FHIT: variants seen among roughly 807,000 people sequenced by gnomAD.
FHIT encodes bis(5'-adenosyl)-triphosphatase.
In FHIT, 19 loss-of-function variants were observed where a neutral mutation model predicts 17.9. The observed-to-expected ratio is 1.06, with a 90% CI of 0.74 to 1.56. The LOEUF (loss-of-function observed/expected upper bound fraction) is 1.56. Ranked by LOEUF, FHIT falls within the 40% of genes most tolerant of loss-of-function variation. The probability of loss-of-function intolerance (pLI) is 0.00; values close to 1 mark genes in which losing one functional copy is unlikely to be tolerated. For missense variants in FHIT, 248 were observed against 189.2 expected (o/e 1.31, Z -1.82); for synonymous variants, 81 against 69.7 (o/e 1.16, Z -0.81).
At position 61,183,840 on chromosome 3, in the gene FHIT, G is replaced by A. The variant is rs186717726; in HGVS notation, c.-164+16777C>T. ...GTTTTTCACGTTTACAAAGAAAATG[G>A]AGCAGGTTAGCAGGTCTCGGTGGCA... On this transcript the variant is annotated intron_variant, in intron 2 of 9. Coordinates refer to ENST00000492590, the MANE Select transcript of FHIT (RefSeq NM_002012.4). 7.7e-4 allele frequency among the ~76,000 whole-genome samples: 117 copies of A among 151,798 alleles called. 1 individual carries two copies. Among genetic ancestry groups the A allele is most frequent in the Non-Finnish European group, 6.2e-4 (42 of 67,930 alleles).
chr3:60,617,064 G>A (rs1056245423), intron 4 of FHIT: 11 of 215,714 alleles, frequency 5.1e-5, no homozygotes, highest in Middle Eastern at 5.0e-4. Context: ...GCAAAGAAAC[G>A]ACAGCCTGGA....
intron 3 of FHIT, among the ~76,000 whole-genome samples, chr3:61,041,128 C>T (rs1238233975): frequency 6.6e-6 from 1 of 152,104 alleles, no homozygotes; most frequent in African/African-American, 2.4e-5. Context: ...CACCTGTAAT[C>T]CCAGCACTTT....
At chr3:60,236,280 A>G (rs1704790968) in intron 5 of FHIT, among the ~76,000 whole-genome samples, 1 of 149,492 alleles carries the variant, frequency 6.7e-6, no homozygotes, top group African/African-American at 2.5e-5. Context: ...CACATACTAG[A>G]TGAGGCCCTT....
chr3:60,674,842 T>C (rs1331564240), intron 4 of FHIT, among the ~76,000 whole-genome samples: 1 of 152,150 alleles, frequency 6.6e-6, no homozygotes, highest in African/African-American at 2.4e-5. Context: ...TTATACATAG[T>C]CAATCCTTCA....
chr3:60,417,347 G>A (rs1232187585), intron 5 of FHIT, among the ~76,000 whole-genome samples: 1 of 152,120 alleles, frequency 6.6e-6, no homozygotes, highest in Non-Finnish European at 1.5e-5. Flanking sequence ...GCACCATTAT[G>A]GCAGTGAAAA....
rs374291054 is a variant in FHIT at position 60,158,217 on chromosome 3, A to G, written c.104-144065T>C. On this transcript the variant is annotated intron_variant, in intron 5 of 9. Coordinates refer to ENST00000492590, the MANE Select transcript of FHIT (RefSeq NM_002012.4). The stretch of plus-strand genomic sequence containing the variant: ...GCACTCATAGCCAGGCCACATTATT[A>G]TCCTGCTGGGCATAAACAATGTCAC... Among the ~76,000 whole-genome samples, 10 of 152,288 alleles carry G rather than the reference A, an allele frequency of 6.6e-5. No homozygotes were observed. The East Asian group carries it at 7.7e-4, about 12-fold the overall frequency.
At chr3:60,827,101 T>G (rs1553741270) in intron 3 of FHIT, among the ~76,000 whole-genome samples, 1 of 152,204 alleles carries the variant, frequency 6.6e-6, no homozygotes, top group Non-Finnish European at 1.5e-5. Flanking sequence ...AGGAGGTCAT[T>G]CTTGAAAGGG....
At chr3:59,892,430 A>G (rs1051522119) in intron 8 of FHIT, among the ~76,000 whole-genome samples, 8 of 152,210 alleles carry the variant, frequency 5.3e-5, no homozygotes, top group Admixed American at 5.2e-4. Flanking sequence ...TTTTAAATAT[A>G]ATGCCTGCCA....
chr3:60,648,164 T>C (rs2039905780), intron 4 of FHIT, among the ~76,000 whole-genome samples: 1 of 152,174 alleles, frequency 6.6e-6, no homozygotes. Flanking sequence ...CACAACAGGT[T>C]GACGTCCACC....
chr3:60,912,907 T>G, intron 3 of FHIT: 1 of 396,632 alleles, frequency 2.5e-6, no homozygotes, highest in Non-Finnish European at 4.8e-6. Context: ...TGCAAGTACA[T>G]GTTAATAAAC....
chr3:61,094,367 A>G (rs892489880), intron 2 of FHIT, among the ~76,000 whole-genome samples: 2 of 152,204 alleles, frequency 1.3e-5, no homozygotes, highest in Admixed American at 1.3e-4. Flanking sequence ...TGACAGAACA[A>G]TAACTTCTTT....
chr3:60,009,163 TTATGTG>T (rs1448194712), intron 7 of FHIT, among the ~76,000 whole-genome samples: 11,577 of 128,438 alleles, frequency 0.09, 1,139 homozygotes, highest in East Asian at 0.12. Context: ...CTCTGGGATT[TTATGTG>T]TGTGTGTGTG....
intron 4 of FHIT, among the ~76,000 whole-genome samples, chr3:60,760,005 C>T (rs1329170681): frequency 6.0e-5 from 9 of 150,514 alleles, no homozygotes; most frequent in African/African-American, 2.0e-4. Context: ...CTTTATCTTT[C>T]TTTCTTTTCT....
chr3:60,578,459 A>C (rs1444829613), intron 4 of FHIT, among the ~76,000 whole-genome samples: 1 of 151,722 alleles, frequency 6.6e-6, no homozygotes, highest in Non-Finnish European at 1.5e-5. Flanking sequence ...ACACACACAC[A>C]CACACACACA....
intron 3 of FHIT, among the ~76,000 whole-genome samples, chr3:60,845,406 T>G (rs1553746170): frequency 6.6e-6 from 1 of 151,896 alleles, no homozygotes. Context: ...GGGTAAATGA[T>G]TAAGAGAGAG....
At chr3:61,078,467 C>G (rs559361422) in intron 2 of FHIT, among the ~76,000 whole-genome samples, 1 of 151,988 alleles carries the variant, frequency 6.6e-6, no homozygotes, top group Non-Finnish European at 1.5e-5. Context: ...CTAGGAAGAA[C>G]GAGTGGAAAA....
intron 5 of FHIT, among the ~76,000 whole-genome samples, chr3:60,295,216 T>C (rs544323280): frequency 4.4e-4 from 67 of 152,162 alleles, no homozygotes; most frequent in African/African-American, 1.6e-3. Context: ...CACCTGTGAA[T>C]AGCCACTGCA....
Position 60,348,443 on chromosome 3 carries a change from G to GT in FHIT, c.103+188416dup, listed in dbSNP as rs150527722. The stretch of plus-strand genomic sequence containing the variant: ...TTAAAACTAAGGATTTTATTTTTGG[G>GT]TTTTTTTTTCACAAAGAAAATTAAC... On this transcript the variant is annotated intron_variant, in intron 5 of 9. Coordinates refer to ENST00000492590, the MANE Select transcript of FHIT (RefSeq NM_002012.4). Among the ~76,000 whole-genome samples, 735 of 150,304 alleles carry GT rather than the reference G, an allele frequency of 4.9e-3. 5 individuals are homozygous for GT. Among genetic ancestry groups the GT allele is most frequent in the African/African-American group, 0.012 (501 of 40,872 alleles).
chr3:59,913,775 A>G (rs899192361), intron 8 of FHIT, among the ~76,000 whole-genome samples: 3 of 152,216 alleles, frequency 2.0e-5, no homozygotes, highest in Admixed American at 6.5e-5. Context: ...AAATATGGGA[A>G]ACATAAGATA....
Sources: allele counts gnomAD v4.1 joint callset (sites outside exome capture counted in the v4.1 genomes callset), GRCh38; gene constraint gnomAD v4.1.1; transcripts MANE v1.5; gene names NCBI Gene and HGNC (gene_info 2026-07-23, HGNC 2026-07-21).